The following CCT2 variants were observed in gnomAD, a reference collection of about 807,000 sequenced individuals.
CCT2 encodes the protein chaperonin containing TCP1 subunit 2.
In CCT2, 18 loss-of-function variants were observed where a neutral mutation model predicts 61.8. The observed-to-expected ratio is 0.29, with a 90% CI of 0.20 to 0.43. The LOEUF is 0.43. Ranked by LOEUF, CCT2 falls within the 20% of genes least tolerant of loss-of-function variation. CCT2 has a pLI of 1.00. For synonymous variants in CCT2, 248 were observed against 215.9 expected (o/e 1.15, Z -1.30); for missense variants, 556 against 656.9 (o/e 0.85, Z 1.68).
At chr12:69,587,415 T>C in intron 3 of CCT2, 90 bp from the exon 4 acceptor site, 1 of 731,878 alleles carries the variant, frequency 1.4e-6, no homozygotes, top group East Asian at 2.6e-5. Flanking sequence ...AGAGTGTTTA[T>C]ACACTAGCAC....
At chr12:69,592,386 G>A in intron 8 of CCT2, 1 of 245,174 alleles carries the variant, frequency 4.1e-6, no homozygotes, top group Non-Finnish European at 7.9e-6. Context: ...GGGAGGCTGA[G>A]GCAGGAGAAT....
chr12:69,594,380 G>A (rs574466212), intron 10 of CCT2, among the ~76,000 whole-genome samples: 1 of 152,074 alleles, frequency 6.6e-6, no homozygotes, highest in Non-Finnish European at 1.5e-5. Flanking sequence ...CTGAAACATT[G>A]CTTTTGTTAA....
chr12:69,592,858 G>C lies in CCT2; in HGVS notation c.751-118G>C. 1.1e-5 allele frequency: 9 copies of C among 836,292 alleles called. 1 individual carries two copies. In the South Asian group the frequency reaches 1.6e-4, roughly 15 times the overall value. The allele number at this position is 836,292 out of a possible 1,614,324, so 51.8% of individuals were successfully genotyped here. On this transcript the variant is annotated intron_variant, in intron 8 of 15. Transcript: ENST00000299300. ...CAGGAGAATCACTTGAACCCAGCGG[G>C]TGGAGGTTGCAGTGAGCCGAGATTG...
At position 69,592,121 on chromosome 12, in the gene CCT2, C is replaced by G. The variant is rs1881852000; in HGVS notation, c.712C>G (p.Leu238Val). 6.3e-7 allele frequency: 1 copy of G among 1,597,904 alleles called. No individual in the cohort carries two copies. The highest frequency in any genetic ancestry group is 1.3e-5 in the African/African-American group (1 of 74,584). Reference sequence around the variant, plus strand: ...AAAACGAATTGAAAATGCTAAAATTCTTATTGCAAATACTGGTATGGATAC... The same window carrying G: ...AAAACGAATTGAAAATGCTAAAATTGTTATTGCAAATACTGGTATGGATAC... ...QPKRIENAKI[L>V]IANTGMDTDK... Residue 238 changes from leucine (L) to valine (V), a missense_variant, in exon 8 of 16, where the codon CTT (leucine) becomes GTT (valine). By Grantham distance (32) the Leu-to-Val change is conservative. Around this residue, in one of 3 missense-constraint regions of CCT2, gnomAD observed 308 missense variants for 350.6 expected, o/e 0.88. Transcript: ENST00000299300.
chr12:69,595,627 G>A (rs1881964109), intron 10 of CCT2, among the ~76,000 whole-genome samples: 1 of 147,292 alleles, frequency 6.8e-6, no homozygotes, highest in African/African-American at 2.5e-5. Flanking sequence ...GGTGGAGGTT[G>A]CAGTGAGCTG....
At position 69,588,199 on chromosome 12, in the gene CCT2, C is replaced by T. The variant is rs545752398; in HGVS notation, c.383C>T (p.Ala128Val). The change falls in exon 6 of 16, where the codon GCG (alanine) becomes GTG (valine). Residue 128 changes from alanine (A) to valine (V), a missense_variant. Physicochemically the swap from Ala to Val is moderately conservative, Grantham distance 64 (BLOSUM62 0). This residue lies in a region of CCT2 where 308 missense variants were observed against 350.6 expected (regional missense o/e 0.88). Coordinates refer to ENST00000299300, the MANE Select transcript of CCT2 (RefSeq NM_006431.3). ...AKKIHPQTII[A>V]GWREATKAAR... ...AAGATTCATCCACAGACCATCATAG[C>T]GGGTTGGAGAGAAGCCACGAAGGCT... The T allele has an allele frequency of 9.3e-6, 15 of 1,614,008 alleles. No individual in the cohort carries two copies. The highest frequency in any genetic ancestry group is 4.5e-5 in the East Asian group (2 of 44,880).
At chr12:69,600,678 G>C (rs1430581623) in intron 15 of CCT2, among the ~76,000 whole-genome samples, 4 of 151,938 alleles carry the variant, frequency 2.6e-5, no homozygotes, top group African/African-American at 9.7e-5. Context: ...AGCTACCAAG[G>C]GTGAAAAGTT....
rs1197104402 is a variant in CCT2, at chr12:69,588,031, T to A, written c.333+25T>A. On this transcript the variant is annotated intron_variant, in intron 5 of 15. Transcript: ENST00000299300. ...GGTAAGAGCAACTAAGCAACTCTTT[T>A]TTCCTACTGTGTTTTTGAGTATCAG... is the stretch of plus-strand genomic sequence containing the variant. The A allele has an allele frequency of 3.8e-6, 6 of 1,598,506 alleles. No homozygotes were observed. In the African/African-American group the frequency reaches 5.4e-5, roughly 14 times the overall value.
chr12:69,592,737 A>G (rs551888690), intron 8 of CCT2: 28 of 340,970 alleles, frequency 8.2e-5, no homozygotes, highest in African/African-American at 4.7e-4. Context: ...AGACTGACCA[A>G]TGTGAGATGG....
chr12:69,589,469 G>C lies in CCT2; in HGVS notation c.447-16G>C. On this transcript the variant is annotated splice_polypyrimidine_tract_variant and intron_variant, in intron 6 of 15. Coordinates refer to ENST00000299300, the MANE Select transcript of CCT2 (RefSeq NM_006431.3). ...TAAAGTAGGGTTAATATGTATATTT[G>C]GTTGGTTTTATTTAGTTCCGATGAA... is the stretch of plus-strand genomic sequence containing the variant. The C allele has an allele frequency of 6.3e-7, 1 of 1,597,080 alleles. No homozygotes were observed. The highest frequency in any genetic ancestry group is 8.6e-7 in the Non-Finnish European group (1 of 1,164,874).
rs747282578 is a variant in CCT2, at chr12:69,593,032, T to C, written c.807T>C (p.His269=). 1 of 1,613,504 alleles carries C rather than the reference T, an allele frequency of 6.2e-7. No individual in the cohort carries two copies. The highest frequency in any genetic ancestry group is 8.5e-7 in the Non-Finnish European group (1 of 1,179,472). ...CAGCAAAGGTTGCAGAAATAGAACA[T>C]GCGGAAAAGGAAAAAATGAAGGAGA... The part of the protein sequence containing the change: ...DSTAKVAEIE[H]AEKEKMKEKV... The change falls in exon 9 of 16, where the codon CAT becomes CAC. Residue 269 remains histidine, a synonymous_variant. Transcript: ENST00000299300.
In CCT2 at chr12:69,587,914, TA is replaced by T; in HGVS notation, c.257-14del. On this transcript the variant is annotated splice_polypyrimidine_tract_variant and intron_variant, in intron 4 of 15. Coordinates refer to ENST00000299300, the MANE Select transcript of CCT2 (RefSeq NM_006431.3). ...AAAGAAGCAATTTTGAGTTAATAAC[TA>T]ATTTCTTTTTCTAGATATGTCAAGG... 1.8e-5 allele frequency: 29 copies of T among 1,590,094 alleles called. No individual in the cohort carries two copies. The highest frequency in any genetic ancestry group is 2.5e-5 in the Non-Finnish European group (29 of 1,158,518).
chr12:69,586,219 G>A (rs1182765268), intron 1 of CCT2, 51 bp from the exon 2 acceptor site: 1 of 1,343,318 alleles, frequency 7.4e-7, no homozygotes, highest in East Asian at 2.3e-5. Context: ...CTCAGTGTAT[G>A]TGTTAGAGTA....
chr12:69,593,128 AT>A (rs753483720), intron 9 of CCT2, 25 bp downstream of exon 9: 20 of 1,589,406 alleles, frequency 1.3e-5, no homozygotes, highest in South Asian at 8.0e-5. Context: ...TTAAGAAAGG[AT>A]TTTTTTCCAT....
chr12:69,587,536 C>T lies in CCT2; in HGVS notation c.176C>T (p.Ala59Val). ...ATTCTTCTAAGCAGTGGACGAGATGCCTCTCTTATGGTAACCAATGATGGT... is the reference window on the plus strand; with the variant it reads ...ATTCTTCTAAGCAGTGGACGAGATGTCTCTCTTATGGTAACCAATGATGGT... The part of the protein sequence containing the change: ...DKILLSSGRD[A>V]SLMVTNDGAT... Residue 59 changes from alanine (A) to valine (V), a missense_variant, in exon 4 of 16, where the codon GCC becomes GTC. Coordinates refer to ENST00000299300, the MANE Select transcript of CCT2 (RefSeq NM_006431.3). 1 of 1,612,806 alleles carries T rather than the reference C, an allele frequency of 6.2e-7. No homozygotes were observed. The highest frequency in any genetic ancestry group is 1.1e-5 in the South Asian group (1 of 91,042).
intron 6 of CCT2, among the ~76,000 whole-genome samples, chr12:69,588,885 A>T (rs1881750094): frequency 6.6e-6 from 1 of 152,194 alleles, no homozygotes; most frequent in Non-Finnish European, 1.5e-5. Flanking sequence ...TTATTTGCCC[A>T]TTCACAACTG....
chr12:69,587,640 C>A, intron 4 of CCT2, 24 bp downstream of exon 4: 1 of 1,370,024 alleles, frequency 7.3e-7, no homozygotes, highest in Non-Finnish European at 1.0e-6. Flanking sequence ...TACTTTTTCA[C>A]CAACCTAATA....
intron 7 of CCT2, among the ~76,000 whole-genome samples, chr12:69,590,365 C>T (rs1230392503): frequency 6.6e-6 from 1 of 152,040 alleles, no homozygotes; most frequent in African/African-American, 2.4e-5. Flanking sequence ...AAAAAAATTT[C>T]TTTAACAAAT....
At position 69,599,909 on chromosome 12, in the gene CCT2, A is replaced by G. The variant is rs1050845952; in HGVS notation, c.1482A>G (p.Thr494=). The change falls in exon 15 of 16, where the codon ACA becomes ACG. Residue 494 remains threonine, a synonymous_variant. Coordinates refer to ENST00000299300, the MANE Select transcript of CCT2 (RefSeq NM_006431.3). ...GAGATATGGCTATCCTGGGTATAAC[A>G]GAAAGTTTTCAAGTGAAGCGACAGG... ...TIGDMAILGI[T]ESFQVKRQVL... 4.3e-6 allele frequency: 7 copies of G among 1,614,030 alleles called. No individual in the cohort carries two copies. The highest frequency in any genetic ancestry group is 5.9e-6 in the Non-Finnish European group (7 of 1,179,886).
Sources: allele counts gnomAD v4.1 joint callset (sites outside exome capture counted in the v4.1 genomes callset), GRCh38; gene constraint gnomAD v4.1.1; regional missense constraint gnomAD v4.1.1; transcripts MANE v1.5; gene names NCBI Gene and HGNC (gene_info 2026-07-23, HGNC 2026-07-21).